Variants in DGKI observed in about 807,000 individuals in gnomAD.
DGKI encodes DAG kinase iota.
A neutral mutation model predicts 147.5 loss-of-function variants in DGKI; 55 were observed. The ratio of observed to expected loss-of-function variants is 0.37; its 90% CI spans 0.30 to 0.47. DGKI has a LOEUF of 0.47. DGKI is among the 20% of genes least tolerant of loss of function. DGKI has a pLI of 1.00. For missense variants in DGKI, 1,007 were observed against 1,323.8 expected, an observed-to-expected ratio of 0.76 and a Z score of 3.71; for synonymous variants, 469 against 477.1, an observed-to-expected ratio of 0.98 and a Z score of 0.22.
chr7:137,701,863 G>A (rs867933617), intron 1 of DGKI, among the ~76,000 whole-genome samples: 2 of 152,008 alleles, frequency 1.3e-5, no homozygotes, highest in South Asian at 2.1e-4. Context: ...AAATAACCTC[G>A]ATAAAAAAGA....
chr7:137,599,030 T>C (rs1819893274), intron 11 of DGKI, among the ~76,000 whole-genome samples: 1 of 152,210 alleles, frequency 6.6e-6, no homozygotes, highest in Admixed American at 6.5e-5. Context: ...ATACTATTTC[T>C]CTAGAAATCA....
intron 11 of DGKI, among the ~76,000 whole-genome samples, chr7:137,599,128 T>C (rs1177036915): frequency 6.6e-6 from 1 of 152,174 alleles, no homozygotes; most frequent in East Asian, 1.9e-4. Flanking sequence ...ACTATCCTAG[T>C]ACATGAATTT....
intron 32 of DGKI, among the ~76,000 whole-genome samples, chr7:137,394,222 G>A (rs1811465675): frequency 6.6e-6 from 1 of 152,118 alleles, no homozygotes; most frequent in African/African-American, 2.4e-5. Flanking sequence ...GACCCAGGAT[G>A]GATGCGAATG....
chr7:137,792,103 A>G (rs1796872389), intron 1 of DGKI, among the ~76,000 whole-genome samples: 1 of 152,228 alleles, frequency 6.6e-6, no homozygotes, highest in South Asian at 2.1e-4. Flanking sequence ...ATATTGGTTT[A>G]GCAATGAACA....
chr7:137,662,463 TCGATCTCC>T (rs1290325420), intron 3 of DGKI, among the ~76,000 whole-genome samples: 1 of 152,104 alleles, frequency 6.6e-6, no homozygotes, highest in African/African-American at 2.4e-5. Flanking sequence ...CGGGATGGTC[TCGATCTCC>T]TGATCTCGTG....
chr7:137,637,447 T>C (rs1821353125), intron 6 of DGKI, among the ~76,000 whole-genome samples: 2 of 152,234 alleles, frequency 1.3e-5, no homozygotes, highest in Non-Finnish European at 2.9e-5. Context: ...GAATGCTGTG[T>C]TTAAACCAAA....
chr7:137,621,648 G>A (rs1820751050), intron 7 of DGKI, among the ~76,000 whole-genome samples: 1 of 152,176 alleles, frequency 6.6e-6, no homozygotes, highest in African/African-American at 2.4e-5. Context: ...GTGGGAAACT[G>A]GGAAATTCAA....
chr7:137,638,466 G>GTGTATATATATACACACA (rs1554446391), intron 6 of DGKI, among the ~76,000 whole-genome samples: 5 of 24,586 alleles, frequency 2.0e-4, no homozygotes, highest in African/African-American at 4.9e-4. Context: ...ATATATGTGT[G>GTGTATATATATACACACA]TATATATGTG....
chr7:137,709,221 A>C (rs1182650704), intron 1 of DGKI, among the ~76,000 whole-genome samples: 1 of 152,164 alleles, frequency 6.6e-6, no homozygotes, highest in Non-Finnish European at 1.5e-5. Context: ...GCAGAGATGG[A>C]TTTATTATGA....
At chr7:137,470,068 A>T (rs762909264) in intron 23 of DGKI, among the ~76,000 whole-genome samples, 31 of 152,186 alleles carry the variant, frequency 2.0e-4, no homozygotes, top group Non-Finnish European at 3.5e-4. Context: ...GCAGCCATCC[A>T]TACACAGGGA....
At chr7:137,763,311 A>T (rs1469674909) in intron 1 of DGKI, among the ~76,000 whole-genome samples, 1 of 152,262 alleles carries the variant, frequency 6.6e-6, no homozygotes, top group Non-Finnish European at 1.5e-5. Context: ...CTTGTCCAGG[A>T]AGCTACGGGT....
chr7:137,430,935 C>A (rs1004742534), intron 28 of DGKI, among the ~76,000 whole-genome samples: 2 of 152,050 alleles, frequency 1.3e-5, no homozygotes, highest in African/African-American at 4.8e-5. Context: ...CCCTCCTCTC[C>A]CCGAACTCCC....
intron 19 of DGKI, among the ~76,000 whole-genome samples, chr7:137,552,977 T>G (rs1220310957): frequency 6.6e-6 from 1 of 152,092 alleles, no homozygotes; most frequent in Non-Finnish European, 1.5e-5. Context: ...CCAAGGAGTC[T>G]CTGATAAACA....
intron 30 of DGKI, among the ~76,000 whole-genome samples, chr7:137,399,963 A>T (rs996989993): frequency 3.3e-5 from 5 of 152,152 alleles, no homozygotes; most frequent in Non-Finnish European, 7.4e-5. Flanking sequence ...AGTGTGCTTA[A>T]AACAGTGCCT....
At chr7:137,392,807 C>T (rs138107583) in intron 32 of DGKI, among the ~76,000 whole-genome samples, 182 of 152,028 alleles carry the variant, frequency 1.2e-3, no homozygotes, top group African/African-American at 4.1e-3. Context: ...TTCTGAGGAA[C>T]TGAACTCTAA....
chr7:137,516,001 T>C, intron 21 of DGKI, among the ~76,000 whole-genome samples: 1 of 152,032 alleles, frequency 6.6e-6, no homozygotes, highest in East Asian at 1.9e-4. Context: ...GAGGACAAAT[T>C]GACATCATTT....
chr7:137,499,996 T>A (rs1053216328), intron 21 of DGKI, among the ~76,000 whole-genome samples: 7 of 152,150 alleles, frequency 4.6e-5, no homozygotes, highest in Non-Finnish European at 5.9e-5. Flanking sequence ...ACTTCCTGCC[T>A]CCAGATCTTT....
chr7:137,501,702 A>G (rs1057005326), intron 21 of DGKI, among the ~76,000 whole-genome samples: 1 of 152,186 alleles, frequency 6.6e-6, no homozygotes, highest in Admixed American at 6.5e-5. Context: ...GTAGAGGCCA[A>G]TGAAAATTCA....
intron 28 of DGKI, among the ~76,000 whole-genome samples, chr7:137,431,230 T>TGCAATCTTATA (rs1286522048): frequency 6.7e-6 from 1 of 149,304 alleles, no homozygotes; most frequent in East Asian, 2.0e-4. Flanking sequence ...ATCACTTTCT[T>TGCAATCTTATA]GCAATCTTAT....
Sources: gnomAD v4.1 joint callset for allele counts (sites outside exome capture counted in the v4.1 genomes callset) on GRCh38, gnomAD v4.1.1 for gene constraint, MANE v1.5 for transcripts, NCBI Gene and HGNC (gene_info 2026-07-23, HGNC 2026-07-21) for gene names.